Variants in SCP2 observed in about 807,000 individuals in gnomAD.
SCP2 encodes sterol carrier protein 2, also known as SCP-2/3-oxoacyl-CoA thiolase.
SCP2 carries 48 observed loss-of-function variants against 71.4 expected under a neutral mutation model. The observed-to-expected ratio is 0.67, with a 90% CI of 0.53 to 0.86. SCP2 has a LOEUF of 0.86. SCP2 is among the 40% of genes least tolerant of loss of function. SCP2 has a pLI of 0.00. For missense variants in SCP2, 560 were observed against 655.6 expected (o/e 0.85, Z 1.59); for synonymous variants, 220 against 218.1 (o/e 1.01, Z -0.08).
At chr1:52,980,312 G>T in intron 9 of SCP2, 84 bp from the exon 10 acceptor site, 1 of 1,267,498 alleles carries the variant, frequency 7.9e-7, no homozygotes. Context: ...AGTTGTTAAG[G>T]TTATGCATCT....
chr1:52,982,332 A>T (rs1346362984), intron 10 of SCP2, among the ~76,000 whole-genome samples: 1 of 152,216 alleles, frequency 6.6e-6, no homozygotes, highest in Non-Finnish European at 1.5e-5. Context: ...GCACTTTGGG[A>T]GGCCAAGGCG....
chr1:53,036,657 A>C (rs1186823239), intron 13 of SCP2, among the ~76,000 whole-genome samples: 2 of 146,560 alleles, frequency 1.4e-5, no homozygotes, highest in Non-Finnish European at 3.0e-5. Context: ...TTTAAGATAC[A>C]TATATATATA....
At chr1:53,020,346 C>T (rs1282307059) in intron 12 of SCP2, among the ~76,000 whole-genome samples, 1 of 152,196 alleles carries the variant, frequency 6.6e-6, no homozygotes, top group East Asian at 1.9e-4. Context: ...ATCTGCCACA[C>T]ATTGTAGTTG....
At chr1:53,038,266 ACG>A (rs1663168603) in intron 13 of SCP2, among the ~76,000 whole-genome samples, 1 of 148,608 alleles carries the variant, frequency 6.7e-6, no homozygotes, top group African/African-American at 2.6e-5. Flanking sequence ...ACACACACAC[ACG>A]GAGAAGGGCA....
At chr1:52,961,430 A>G in intron 5 of SCP2, 73 bp from the exon 6 acceptor site, 7 of 1,456,342 alleles carry the variant, frequency 4.8e-6, no homozygotes, top group Non-Finnish European at 5.8e-6. Context: ...AAATATCTTA[A>G]TAGCACTGTA....
chr1:52,988,807 T>A (rs910497529), intron 11 of SCP2, among the ~76,000 whole-genome samples: 1 of 151,672 alleles, frequency 6.6e-6, no homozygotes, highest in African/African-American at 2.4e-5. Context: ...TGCCTTAGCC[T>A]CCTGAGTAGC....
chr1:52,935,956 C>T (rs913337705), intron 1 of SCP2, among the ~76,000 whole-genome samples: 2 of 151,882 alleles, frequency 1.3e-5, no homozygotes, highest in Non-Finnish European at 2.9e-5. Context: ...AAAAGAATAT[C>T]CACAATTCCA....
chr1:53,043,399 C>A (rs1039501443), intron 14 of SCP2, among the ~76,000 whole-genome samples: 1 of 152,210 alleles, frequency 6.6e-6, no homozygotes, highest in Admixed American at 6.5e-5. Flanking sequence ...GCTTTGAAAA[C>A]TTGGAAACCA....
chr1:52,984,204 CT>C (rs1002314247), intron 10 of SCP2, among the ~76,000 whole-genome samples: 1 of 152,078 alleles, frequency 6.6e-6, no homozygotes, highest in African/African-American at 2.4e-5. Context: ...TTTTAGCTAC[CT>C]TTGCTGTTTC....
intron 2 of SCP2, chr1:52,943,845 C>T (rs1654514886): frequency 6.7e-6 from 3 of 449,478 alleles, no homozygotes; most frequent in Non-Finnish European, 8.9e-6. Flanking sequence ...GTAGAGGGCA[C>T]ACTCTTGCGA....
intron 11 of SCP2, chr1:52,993,651 G>A: frequency 1.2e-6 from 2 of 1,612,308 alleles, no homozygotes; most frequent in Non-Finnish European, 1.7e-6. Context: ...ATCACACACT[G>A]CTTTGTGTAA....
chr1:52,991,447 C>T (rs1009860892), intron 11 of SCP2, among the ~76,000 whole-genome samples: 6 of 150,980 alleles, frequency 4.0e-5, no homozygotes, highest in African/African-American at 1.2e-4. Flanking sequence ...GTCGCCCAGG[C>T]TGGAGCGCAG....
rs561759197 is a variant in SCP2 at position 52,961,138 on chromosome 1, T to TAC, written c.397-363_397-362dup. 4.9e-3 allele frequency among the ~76,000 whole-genome samples: 743 copies of TAC among 150,900 alleles called. 3 individuals are homozygous for TAC. Among genetic ancestry groups the TAC allele is most frequent in the African/African-American group, 0.017 (702 of 40,924 alleles). ...ACATGTGCACAACGTGCAGGTTTGT[T>TAC]ACATACGTATGCATGTGCCATGTTG... On this transcript the variant is annotated intron_variant, in intron 5 of 15. Transcript: ENST00000371514.
chr1:52,961,545 C>T lies in SCP2; in HGVS notation c.439C>T (p.Leu147=), dbSNP rs1287078584. The part of the protein sequence containing the change: ...TIPTDKHVDL[L]INKYGLSAHP... ...TCCCACTGATAAGCATGTTGACCTC[C>T]TGATCAATAAGTATGGATTGTCTGC... is the stretch of plus-strand genomic sequence containing the variant. The change falls in exon 6 of 16, where the codon CTG becomes TTG. Residue 147 remains leucine, a synonymous_variant. Transcript: ENST00000371514. 2 of 1,613,824 alleles carry T rather than the reference C, an allele frequency of 1.2e-6. No homozygotes were observed. Among genetic ancestry groups the T allele is most frequent in the African/African-American group, 1.3e-5 (1 of 75,032 alleles).
At chr1:53,014,776 A>C (rs914252077) in intron 11 of SCP2, 114 bp from the exon 12 acceptor site, 23 of 1,181,504 alleles carry the variant, frequency 1.9e-5, no homozygotes, top group Non-Finnish European at 2.7e-5. Flanking sequence ...GTTACTATTT[A>C]CACAAACGTG....
chr1:53,042,339 G>A (rs1367463288), intron 14 of SCP2, among the ~76,000 whole-genome samples: 2 of 147,228 alleles, frequency 1.4e-5, no homozygotes, highest in African/African-American at 5.0e-5. Context: ...TATTAAGGTT[G>A]TTTTTTTTTT....
intron 4 of SCP2, among the ~76,000 whole-genome samples, chr1:52,954,532 G>A (rs1031051161): frequency 6.6e-5 from 10 of 151,962 alleles, no homozygotes; most frequent in African/African-American, 2.4e-4. Context: ...TTAAATTTTT[G>A]TAGAGACAGA....
chr1:52,976,472 G>A (rs1351339267), intron 7 of SCP2, among the ~76,000 whole-genome samples: 1 of 152,052 alleles, frequency 6.6e-6, no homozygotes, highest in East Asian at 1.9e-4. Context: ...CAGGAACCCA[G>A]GACAAAGACC....
In SCP2 at chr1:52,981,337, A is replaced by G. The variant is rs1557583567; in HGVS notation, c.973+794A>G. 2.6e-5 allele frequency among the ~76,000 whole-genome samples: 4 copies of G among 152,198 alleles called. No individual in the cohort carries two copies. In the South Asian group the frequency reaches 6.2e-4, roughly 24 times the overall value. ...GCCACTAGCTATACTTTAGTCTTTG[A>G]AATGTAGCTAGTCCAAATTGACGTG... On this transcript the variant is annotated intron_variant, in intron 10 of 15. Transcript: ENST00000371514.
Sources: gnomAD v4.1 joint callset for allele counts (sites outside exome capture counted in the v4.1 genomes callset) on GRCh38, gnomAD v4.1.1 for gene constraint, MANE v1.5 for transcripts, NCBI Gene and HGNC (gene_info 2026-07-23, HGNC 2026-07-21) for gene names.